Variants in PBX1 observed in about 807,000 individuals in gnomAD.
The protein encoded by PBX1 is pre-B-cell leukemia transcription factor 1.
PBX1 carries 6 observed loss-of-function variants against 53.4 expected under a neutral mutation model. That is an observed-to-expected ratio of 0.11 (90% CI 0.06 to 0.22). The LOEUF is 0.22. PBX1 is among the 10% of genes least tolerant of loss of function. The pLI, the probability that PBX1 is intolerant of heterozygous loss-of-function variation, is 1.00. For missense variants in PBX1, 251 were observed against 551.4 expected (o/e 0.46, Z 5.46); for synonymous variants, 204 against 212.3 (o/e 0.96, Z 0.34).
At chr1:164,619,540 T>A (rs1657532210) in intron 2 of PBX1, among the ~76,000 whole-genome samples, 1 of 152,084 alleles carries the variant, frequency 6.6e-6, no homozygotes, top group Non-Finnish European at 1.5e-5. Flanking sequence ...TTTGAAAAAT[T>A]AACTCCTACA....
At chr1:164,564,736 CAA>C (rs1312197060) in intron 2 of PBX1, among the ~76,000 whole-genome samples, 5 of 151,984 alleles carry the variant, frequency 3.3e-5, no homozygotes, top group Non-Finnish European at 5.9e-5. Context: ...ATTCAAATAT[CAA>C]AAGAGTTTTT....
chr1:164,829,421 A>T (rs1670639940), intron 8 of PBX1: 1 of 152,226 alleles, frequency 6.6e-6, no homozygotes, highest in Non-Finnish European at 1.5e-5. Flanking sequence ...CATTGATGGA[A>T]ATGTTCTATT....
intron 2 of PBX1, among the ~76,000 whole-genome samples, chr1:164,880,735 G>A (rs1471723747): frequency 6.6e-6 from 1 of 152,176 alleles, no homozygotes; most frequent in East Asian, 1.9e-4. Flanking sequence ...CCCCTCCCAA[G>A]CCCTCTAGTG....
At chr1:164,743,058 A>G (rs1175887623) in intron 2 of PBX1, among the ~76,000 whole-genome samples, 1 of 152,222 alleles carries the variant, frequency 6.6e-6, no homozygotes, top group Non-Finnish European at 1.5e-5. Flanking sequence ...GAAGATTCCT[A>G]CAGGGCCAGA....
chr1:164,641,497 G>A (rs1442009138), intron 2 of PBX1: 2 of 152,796 alleles, frequency 1.3e-5, no homozygotes, highest in Non-Finnish European at 2.9e-5. Flanking sequence ...CTAGTTCCAC[G>A]GGGTTTCATC....
intron 2 of PBX1, among the ~76,000 whole-genome samples, chr1:164,598,800 C>G (rs1655945905): frequency 6.6e-6 from 1 of 152,142 alleles, no homozygotes; most frequent in South Asian, 2.1e-4. Flanking sequence ...TGTGTCATAC[C>G]TCGGAGCGTA....
At chr1:164,854,945 CTTTTTTTTTT>C, downstream of PBX1, among the ~76,000 whole-genome samples, 1 of 116,350 alleles carries the variant, frequency 8.6e-6, no homozygotes, top group East Asian at 2.3e-4. Context: ...CTCTCTCTCT[CTTTTTTTTTT>C]TTTTTTTTTT....
At chr1:164,813,173 A>G (rs1669705423) in intron 6 of PBX1, 1 of 152,214 alleles carries the variant, frequency 6.6e-6, no homozygotes, top group Non-Finnish European at 1.5e-5. Context: ...GGAGAAATGT[A>G]GGGTTCCACA....
At position 164,846,751 on chromosome 1, in the gene PBX1, A is replaced by G. The variant is rs1310996728; in HGVS notation, c.*75A>G. 19 of 1,611,432 alleles carry G rather than the reference A, an allele frequency of 1.2e-5. No homozygotes were observed. The highest frequency in any genetic ancestry group is 1.6e-5 in the Non-Finnish European group (19 of 1,178,998). On this transcript the variant is annotated 3_prime_UTR_variant, in exon 9 of 9. Coordinates refer to ENST00000420696, the MANE Select transcript of PBX1 (RefSeq NM_002585.4). Reference sequence around the variant, plus strand: ...GGCAGGAGGGAGGGTTTCTCTCCCAACGCTGAAGCGGTCAGACTGGAGGTC... The same window carrying G: ...GGCAGGAGGGAGGGTTTCTCTCCCAGCGCTGAAGCGGTCAGACTGGAGGTC...
chr1:164,878,908 A>T (rs1262080430), intron 2 of PBX1, among the ~76,000 whole-genome samples: 4 of 152,228 alleles, frequency 2.6e-5, no homozygotes, highest in Non-Finnish European at 4.4e-5. Context: ...AGAAGAAATT[A>T]TGGCAGCCGG....
intron 2 of PBX1, among the ~76,000 whole-genome samples, chr1:164,643,732 CGAAG>C (rs1441663504): frequency 2.0e-5 from 3 of 152,094 alleles, no homozygotes; most frequent in Non-Finnish European, 4.4e-5. Context: ...AAATAGCCAA[CGAAG>C]AAGCAAAGTT....
intron 8 of PBX1, among the ~76,000 whole-genome samples, chr1:164,839,327 T>C (rs1671184776): frequency 6.6e-6 from 1 of 152,244 alleles, no homozygotes; most frequent in South Asian, 2.1e-4. Context: ...AACCACTGTA[T>C]GCCCAGTATG....
At chr1:164,599,361 C>T (rs997903536) in intron 2 of PBX1, among the ~76,000 whole-genome samples, 6 of 151,982 alleles carry the variant, frequency 3.9e-5, no homozygotes, top group African/African-American at 1.5e-4. Flanking sequence ...TCAGCCACAC[C>T]CCCCTCCATT....
At chr1:164,606,533 G>A (rs751661400) in intron 2 of PBX1, among the ~76,000 whole-genome samples, 3 of 152,290 alleles carry the variant, frequency 2.0e-5, no homozygotes, top group East Asian at 1.9e-4. Flanking sequence ...CTGAGGTAGC[G>A]CCGCTGCACT....
intron 2 of PBX1, among the ~76,000 whole-genome samples, chr1:164,582,713 C>T (rs756297356): frequency 1.6e-4 from 25 of 152,090 alleles, no homozygotes; most frequent in African/African-American, 1.4e-4. Context: ...TGTGAGCCAC[C>T]GTGCCCGGCC....
intron 2 of PBX1, among the ~76,000 whole-genome samples, chr1:164,658,227 A>G (rs1660278653): frequency 6.6e-6 from 1 of 152,214 alleles, no homozygotes; most frequent in Admixed American, 6.5e-5. Flanking sequence ...CTTACAGCCC[A>G]TGCGAATTCT....
intron 8 of PBX1, among the ~76,000 whole-genome samples, chr1:164,843,301 G>C (rs529418197): frequency 4.6e-5 from 7 of 152,288 alleles, no homozygotes; most frequent in African/African-American, 1.7e-4. Flanking sequence ...CTTCTAAAAA[G>C]TATTTGTGTT....
intron 5 of PBX1, among the ~76,000 whole-genome samples, chr1:164,810,317 A>C (rs1487723652): frequency 3.9e-5 from 6 of 152,146 alleles, no homozygotes; most frequent in African/African-American, 1.4e-4. Context: ...TAATTAGTTC[A>C]TTCATGATAA....
intron 2 of PBX1, among the ~76,000 whole-genome samples, chr1:164,784,567 C>G (rs924433813): frequency 3.3e-5 from 5 of 152,166 alleles, no homozygotes; most frequent in Non-Finnish European, 7.4e-5. Context: ...AACAAACAAA[C>G]AAAAACCTAA....
Sources: allele counts gnomAD v4.1 joint callset (sites outside exome capture counted in the v4.1 genomes callset), GRCh38; gene constraint gnomAD v4.1.1; transcripts MANE v1.5; gene names NCBI Gene and HGNC (gene_info 2026-07-23, HGNC 2026-07-21).